Variants in SNX14 observed in about 807,000 individuals in gnomAD.
SNX14 encodes the protein sorting nexin 14.
SNX14 carries 93 observed loss-of-function variants against 133.8 expected under a neutral mutation model. The ratio of observed to expected loss-of-function variants is 0.70; its 90% CI spans 0.59 to 0.83. The LOEUF (loss-of-function observed/expected upper bound fraction) is 0.83, where lower values mean the gene tolerates loss of function less well. Among genes scored for constraint, SNX14 ranks in the 40% least tolerant of loss-of-function variants. The probability of loss-of-function intolerance (pLI) is 0.00; values close to 1 mark genes in which losing one functional copy is unlikely to be tolerated. For synonymous variants in SNX14, 368 were observed against 365.6 expected (o/e 1.01, Z -0.07); for missense variants, 945 against 1,094.9 (o/e 0.86, Z 1.93).
chr6:85,591,961 C>T (rs1344555012), intron 1 of SNX14, among the ~76,000 whole-genome samples: 41 of 152,092 alleles, frequency 2.7e-4, no homozygotes, highest in Admixed American at 2.1e-3. Context: ...TGCAGTGAGC[C>T]GAGACCGCAT....
chr6:85,526,317 T>C, intron 20 of SNX14, 80 bp from the exon 21 acceptor site: 1 of 856,818 alleles, frequency 1.2e-6, no homozygotes. Flanking sequence ...TTTCTTTAAA[T>C]TTTAAATCCC....
chr6:85,539,393 TA>T (rs1782904291), intron 15 of SNX14, among the ~76,000 whole-genome samples: 1 of 152,092 alleles, frequency 6.6e-6, no homozygotes, highest in Non-Finnish European at 1.5e-5. Flanking sequence ...TTAGGTTGAG[TA>T]AAAAAATATG....
intron 1 of SNX14, among the ~76,000 whole-genome samples, chr6:85,580,576 T>C (rs997541149): frequency 5.3e-5 from 8 of 152,170 alleles, no homozygotes; most frequent in African/African-American, 1.9e-4. Context: ...AGATGCCATT[T>C]CTAGACCTAC....
Position 85,507,189 on chromosome 6 carries a change from T to C in SNX14, c.2802+44A>G, listed in dbSNP as rs757917257. ...TCCCTAATTAAAATAAATGTCAGCA[T>C]ACCATTAAGAAAATCATGAATAAAA... is the stretch of plus-strand genomic sequence containing the variant. On this transcript the variant is annotated intron_variant, in intron 28 of 28. Coordinates refer to ENST00000314673, the MANE Select transcript of SNX14 (RefSeq NM_153816.6). 10 of 1,483,114 alleles carry C rather than the reference T, an allele frequency of 6.7e-6. No individual in the cohort carries two copies. The Admixed American group carries it at 6.9e-5, about 10-fold the overall frequency. 91.9% of individuals were successfully genotyped at this position (1,483,114 alleles called of 1,614,324 possible). A position where few individuals can be genotyped will look rare whatever the true frequency, so the allele number is the denominator to read the frequency against.
chr6:85,575,942 AAT>A (rs1491436964), intron 1 of SNX14, among the ~76,000 whole-genome samples: 16 of 152,350 alleles, frequency 1.1e-4, no homozygotes, highest in African/African-American at 3.6e-4. Flanking sequence ...AGTTACTCTT[AAT>A]ATGTTTTTTA....
intron 23 of SNX14, among the ~76,000 whole-genome samples, chr6:85,515,805 A>C (rs559068615): frequency 1.1e-4 from 16 of 152,198 alleles, no homozygotes; most frequent in African/African-American, 3.9e-4. Flanking sequence ...TTATATAGTA[A>C]GTCTGGAAAA....
chr6:85,508,418 T>A, intron 26 of SNX14: 1 of 975,306 alleles, frequency 1.0e-6, no homozygotes, highest in Non-Finnish European at 1.2e-6. Context: ...AAAATGATGT[T>A]TGTACATCTG....
At chr6:85,578,863 C>T (rs1798134416) in intron 1 of SNX14, among the ~76,000 whole-genome samples, 1 of 152,080 alleles carries the variant, frequency 6.6e-6, no homozygotes. Flanking sequence ...TAGCCGGGCG[C>T]AGTGGGTCAC....
chr6:85,554,732 A>G (rs1789068798), intron 7 of SNX14, among the ~76,000 whole-genome samples: 1 of 152,188 alleles, frequency 6.6e-6, no homozygotes. Context: ...GATTTTTTAC[A>G]TGAATAGTAG....
chr6:85,506,321 T>A (rs979768753), intron 28 of SNX14, among the ~76,000 whole-genome samples: 35 of 107,126 alleles, frequency 3.3e-4, no homozygotes, highest in Non-Finnish European at 2.5e-4. Context: ...AACTTGAAAA[T>A]TTTTTTTTTT....
intron 23 of SNX14, 185 bp downstream of exon 23, chr6:85,517,571 T>C (rs1021672122): frequency 1.9e-6 from 1 of 523,586 alleles, no homozygotes; most frequent in Non-Finnish European, 2.9e-6. Context: ...ATTTACCACA[T>C]TAAAGCAAAG....
At chr6:85,563,381 G>A (rs1255237943) in intron 6 of SNX14, among the ~76,000 whole-genome samples, 1 of 151,906 alleles carries the variant, frequency 6.6e-6, no homozygotes, top group Non-Finnish European at 1.5e-5. Context: ...AATACAGCTC[G>A]AGAAAAATAT....
chr6:85,532,365 A>G (rs1343849757), intron 18 of SNX14, among the ~76,000 whole-genome samples: 1 of 152,252 alleles, frequency 6.6e-6, no homozygotes, highest in Non-Finnish European at 1.5e-5. Flanking sequence ...GCTGCCTGAT[A>G]TTTAATTATG....
chr6:85,555,528 G>T (rs748102032), intron 7 of SNX14, among the ~76,000 whole-genome samples: 1 of 152,148 alleles, frequency 6.6e-6, no homozygotes, highest in Admixed American at 6.5e-5. Context: ...CAAAACTGTA[G>T]AGACAGTAAA....
At chr6:85,547,716 T>A (rs919888065) in intron 9 of SNX14, among the ~76,000 whole-genome samples, 166 bp from the exon 10 acceptor site, 1 of 152,220 alleles carries the variant, frequency 6.6e-6, no homozygotes, top group Non-Finnish European at 1.5e-5. Context: ...TTTTTTTACA[T>A]CTACAAAACA....
chr6:85,584,042 A>G (rs1398424489), intron 1 of SNX14, among the ~76,000 whole-genome samples: 1 of 152,258 alleles, frequency 6.6e-6, no homozygotes, highest in African/African-American at 2.4e-5. Flanking sequence ...TACTGGTACC[A>G]AAACAGATAT....
chr6:85,585,229 C>A (rs12199873), intron 1 of SNX14, among the ~76,000 whole-genome samples: 39,532 of 151,628 alleles, frequency 0.26, 6,470 homozygotes, highest in East Asian at 0.39. Flanking sequence ...CAAACCAGGA[C>A]CTGCTGGGGA....
intron 6 of SNX14, chr6:85,561,177 T>C (rs984467508): frequency 6.6e-5 from 10 of 150,494 alleles, no homozygotes; most frequent in African/African-American, 2.5e-4. Context: ...CTACTAAAAA[T>C]ACAAAAAAAG....
chr6:85,517,216 G>C (rs762447665), intron 23 of SNX14, among the ~76,000 whole-genome samples: 1 of 152,142 alleles, frequency 6.6e-6, no homozygotes, highest in Non-Finnish European at 1.5e-5. Flanking sequence ...ACCATTCAGA[G>C]TATTAACAAA....
Sources: allele counts gnomAD v4.1 joint callset (sites outside exome capture counted in the v4.1 genomes callset), GRCh38; gene constraint gnomAD v4.1.1; transcripts MANE v1.5; gene names NCBI Gene and HGNC (gene_info 2026-07-23, HGNC 2026-07-21).